The following LIFR variants were observed in gnomAD, a reference collection of about 807,000 sequenced individuals.
LIFR encodes the protein leukemia inhibitory factor receptor.
LIFR carries 84 observed loss-of-function variants against 122.2 expected under a neutral mutation model. The ratio of observed to expected loss-of-function variants is 0.69; its 90% confidence interval spans 0.58 to 0.82. The LOEUF is 0.82. Ranked by LOEUF, LIFR falls within the 40% of genes least tolerant of loss-of-function variation. LIFR has a pLI of 0.00. For missense variants in LIFR, 1,294 were observed against 1,311.6 expected, an observed-to-expected ratio of 0.99 and a Z score of 0.21; for synonymous variants, 422 against 434.7, an observed-to-expected ratio of 0.97 and a Z score of 0.36.
In LIFR at chr5:38,476,823, C is replaced by T. The variant is rs916504283; in HGVS notation, c.*4772G>A. 6 of 212,430 alleles carry T rather than the reference C, an allele frequency of 2.8e-5. No homozygotes were observed. The highest frequency in any genetic ancestry group is 1.4e-4 in the African/African-American group (6 of 44,192). 13.2% of individuals were successfully genotyped at this position (212,430 alleles called of 1,614,324 possible). ...CCCTTAACACACAACTTTTAATTCT[C>T]ATGAAAATGTTGCACAGTTAGAATT... On this transcript the variant is annotated 3_prime_UTR_variant, in exon 20 of 20. Coordinates refer to ENST00000453190, the MANE Select transcript of LIFR (RefSeq NM_001127671.2).
intron 1 of LIFR, among the ~76,000 whole-genome samples, chr5:38,575,414 A>G (rs1354235146): frequency 6.6e-6 from 1 of 152,214 alleles, no homozygotes; most frequent in East Asian, 1.9e-4. Context: ...AGGTTTTATA[A>G]AACAACTTTG....
At position 38,493,605 on chromosome 5, in the gene LIFR, C is replaced by G. The variant is rs761911413; in HGVS notation, c.2065+1G>C. The G allele has an allele frequency of 1.2e-6, 2 of 1,613,234 alleles. No homozygotes were observed. The highest frequency in any genetic ancestry group is 1.1e-5 in the South Asian group (1 of 91,060). On this transcript the variant is annotated splice_donor_variant, in intron 14 of 19. Coordinates refer to ENST00000453190, the MANE Select transcript of LIFR (RefSeq NM_001127671.2). LOFTEE classifies it high-confidence loss of function. ...AATTGAGAGACACTAATTCATCTTA[C>G]CAGATTCTATTACAGTTTCAGTGCT...
chr5:38,508,623 C>CTGGA (rs1002487563), intron 7 of LIFR, among the ~76,000 whole-genome samples: 2 of 151,930 alleles, frequency 1.3e-5, no homozygotes, highest in African/African-American at 4.8e-5. Context: ...GTCACCCAGG[C>CTGGA]TGGAGTGCAG....
At chr5:38,551,971 G>A (rs564100043) in intron 1 of LIFR, among the ~76,000 whole-genome samples, 1 of 152,304 alleles carries the variant, frequency 6.6e-6, no homozygotes, top group East Asian at 1.9e-4. Flanking sequence ...TTTAACTCGG[G>A]CATCTAAGCC....
At chr5:38,482,441 A>T in intron 19 of LIFR, 148 bp downstream of exon 19, 1 of 602,212 alleles carries the variant, frequency 1.7e-6, no homozygotes, top group Non-Finnish European at 2.8e-6. Flanking sequence ...TTTAAAATTA[A>T]TAATTTTAGA....
At chr5:38,538,374 A>T (rs1747401767) in intron 1 of LIFR, among the ~76,000 whole-genome samples, 1 of 152,180 alleles carries the variant, frequency 6.6e-6, no homozygotes, top group Non-Finnish European at 1.5e-5. Context: ...TTACAGATTA[A>T]CCATTCACTA....
Position 38,578,395 on chromosome 5 carries a change from G to A in LIFR, c.-20+16866C>T, listed in dbSNP as rs185185920. Reference sequence around the variant, plus strand: ...CTAATTTTGTATTTTTAGTAGAGACGGGGTTTCTCCATGTTGGTCAGGCTG... The same window carrying A: ...CTAATTTTGTATTTTTAGTAGAGACAGGGTTTCTCCATGTTGGTCAGGCTG... On this transcript the variant is annotated intron_variant, in intron 1 of 19. Transcript: ENST00000263409. 6.1e-3 allele frequency among the ~76,000 whole-genome samples: 903 copies of A among 149,098 alleles called. 28 individuals carry two copies. The highest frequency in any genetic ancestry group is 0.041 in the Admixed American group (609 of 14,944).
intron 1 of LIFR, among the ~76,000 whole-genome samples, chr5:38,532,466 A>C (rs1055603812): frequency 2.6e-5 from 4 of 152,180 alleles, no homozygotes; most frequent in Non-Finnish European, 4.4e-5. Context: ...GGCAGGGAAC[A>C]GGCACGCAGA....
upstream of LIFR, chr5:38,557,669 A>G (rs1748657734): frequency 6.5e-6 from 1 of 154,804 alleles, no homozygotes; most frequent in South Asian, 2.0e-4. Flanking sequence ...CAATTTATAA[A>G]TTGGCAAAAT....
chr5:38,494,592 A>T (rs1202129795), intron 13 of LIFR, among the ~76,000 whole-genome samples: 2 of 152,230 alleles, frequency 1.3e-5, no homozygotes, highest in African/African-American at 2.4e-5. Flanking sequence ...GAATTGGGGT[A>T]GAAGATAGGG....
chr5:38,548,286 A>G (rs1748007122), intron 1 of LIFR, among the ~76,000 whole-genome samples: 1 of 152,236 alleles, frequency 6.6e-6, no homozygotes, highest in African/African-American at 2.4e-5. Context: ...AGTCATCACT[A>G]AATCATTCAT....
chr5:38,598,012 G>A (rs1360212614), upstream of LIFR, among the ~76,000 whole-genome samples: 2 of 151,832 alleles, frequency 1.3e-5, no homozygotes, highest in African/African-American at 4.8e-5. Flanking sequence ...AGGCTCCTTA[G>A]GAGGTGATAA....
intron 2 of LIFR, among the ~76,000 whole-genome samples, chr5:38,604,081 A>G (rs1210859778): frequency 6.6e-6 from 1 of 152,204 alleles, no homozygotes; most frequent in African/African-American, 2.4e-5. Flanking sequence ...ACACGAGCAT[A>G]ATCTAATTCT....
intron 1 of LIFR, among the ~76,000 whole-genome samples, chr5:38,572,933 T>A (rs958190536): frequency 6.6e-6 from 1 of 152,232 alleles, no homozygotes; most frequent in Non-Finnish European, 1.5e-5. Context: ...ACTGTGTGCA[T>A]GGTCTATATA....
At chr5:38,504,262 T>C (rs763655282) in intron 9 of LIFR, 141 bp from the exon 10 acceptor site, 152 of 630,706 alleles carry the variant, frequency 2.4e-4, no homozygotes, top group Non-Finnish European at 4.1e-4. Context: ...ATTTGTGGAA[T>C]TGACAAACCT....
intron 1 of LIFR, chr5:38,555,103 C>T (rs1748445871): frequency 6.6e-6 from 1 of 152,202 alleles, no homozygotes; most frequent in Non-Finnish European, 1.5e-5. Flanking sequence ...GAGCTTGCAA[C>T]TAACTCCCTA....
intron 1 of LIFR, among the ~76,000 whole-genome samples, chr5:38,531,139 T>A (rs1263652050): frequency 6.6e-6 from 1 of 152,222 alleles, no homozygotes; most frequent in Non-Finnish European, 1.5e-5. Context: ...AAAGTTTCTA[T>A]TTCATACAAA....
chr5:38,607,301 G>T (rs920632080), intron 1 of LIFR, among the ~76,000 whole-genome samples: 1 of 152,104 alleles, frequency 6.6e-6, no homozygotes, highest in Admixed American at 6.6e-5. Context: ...ATTGTGCCTC[G>T]CATTTTCATC....
chr5:38,478,760 A>C lies in LIFR; in HGVS notation c.*2835T>G, dbSNP rs1743839637. ...GAGAGGTAAAAATGTGTCTTACATG[A>C]ATTACTATCCCACAGATATGATGGA... On this transcript the variant is annotated 3_prime_UTR_variant, in exon 20 of 20. Coordinates refer to ENST00000453190, the MANE Select transcript of LIFR (RefSeq NM_001127671.2). The C allele has an allele frequency of 4.6e-6, 1 of 217,964 alleles. No homozygotes were observed. Among genetic ancestry groups the C allele is most frequent in the East Asian group, 6.8e-5 (1 of 14,796 alleles). The allele number at this position is 217,964 out of a possible 1,614,324, so 13.5% of individuals were successfully genotyped here. A position where few individuals can be genotyped will look rare whatever the true frequency, so the allele number is the denominator to read the frequency against.
Sources: allele counts gnomAD v4.1 joint callset (sites outside exome capture counted in the v4.1 genomes callset), GRCh38; gene constraint gnomAD v4.1.1; transcripts MANE v1.5; gene names NCBI Gene and HGNC (gene_info 2026-07-23, HGNC 2026-07-21).